The following CDKAL1 variants were observed in gnomAD, a reference collection of about 807,000 sequenced individuals.
CDKAL1 encodes the protein CDKAL1 threonylcarbamoyladenosine tRNA methylthiotransferase.
CDKAL1 carries 32 observed loss-of-function variants against 68.2 expected under a neutral mutation model. The ratio of observed to expected loss-of-function variants is 0.47; its 90% CI spans 0.35 to 0.63. The LOEUF (loss-of-function observed/expected upper bound fraction) is 0.63, where lower values mean the gene tolerates loss of function less well. Among genes scored for constraint, CDKAL1 ranks in the 30% least tolerant of loss-of-function variants. The pLI is 0.00. For missense variants in CDKAL1, 606 were observed against 696.7 expected (o/e 0.87, Z 1.47); for synonymous variants, 234 against 244.3 (o/e 0.96, Z 0.39).
chr6:21,033,297 G>A (rs1769395920), intron 11 of CDKAL1, among the ~76,000 whole-genome samples: 1 of 152,182 alleles, frequency 6.6e-6, no homozygotes, highest in African/African-American at 2.4e-5. Context: ...ACTGGCAATG[G>A]AAATAAAGAG....
At chr6:20,597,023 G>A (rs770179199) in intron 4 of CDKAL1, among the ~76,000 whole-genome samples, 1 of 152,198 alleles carries the variant, frequency 6.6e-6, no homozygotes, top group African/African-American at 2.4e-5. Context: ...AGTTGGAAAC[G>A]CAGAAATCAC....
chr6:20,557,554 CATATGTATAT>C (rs1273442241), intron 4 of CDKAL1, among the ~76,000 whole-genome samples: 1 of 151,946 alleles, frequency 6.6e-6, no homozygotes. Context: ...TATATGTATA[CATATGTATAT>C]ATATGTGAAT....
intron 8 of CDKAL1, among the ~76,000 whole-genome samples, chr6:20,844,779 T>C (rs140218335): frequency 3.8e-4 from 58 of 152,186 alleles, no homozygotes; most frequent in African/African-American, 1.3e-3. Flanking sequence ...AAAATTGAGT[T>C]ACTCTACCAA....
At chr6:20,782,810 T>G (rs1290326546) in intron 8 of CDKAL1, among the ~76,000 whole-genome samples, 1 of 152,256 alleles carries the variant, frequency 6.6e-6, no homozygotes, top group African/African-American at 2.4e-5. Flanking sequence ...GAATAAGTTT[T>G]AAAATTTGAC....
chr6:20,639,338 A>G (rs192945067), intron 4 of CDKAL1, among the ~76,000 whole-genome samples: 2 of 152,240 alleles, frequency 1.3e-5, no homozygotes, highest in East Asian at 3.9e-4. Flanking sequence ...CTTTAGTCAG[A>G]GACTCACTCT....
intron 13 of CDKAL1, 49 bp downstream of exon 13, chr6:21,108,512 T>G: frequency 8.3e-7 from 1 of 1,197,696 alleles, no homozygotes; most frequent in South Asian, 1.4e-5. Flanking sequence ...TCTTTCCGAA[T>G]GTATAGTACA....
intron 7 of CDKAL1, among the ~76,000 whole-genome samples, chr6:20,761,448 C>T (rs9465884): frequency 0.44 from 66,993 of 152,014 alleles, 14,983 homozygotes; most frequent in South Asian, 0.5. Flanking sequence ...TGAAAACTTA[C>T]GTCTATACAA....
chr6:21,118,628 ACT>A (rs1375821653), intron 13 of CDKAL1, among the ~76,000 whole-genome samples: 1 of 152,190 alleles, frequency 6.6e-6, no homozygotes, highest in Non-Finnish European at 1.5e-5. Flanking sequence ...ATACGTTAAC[ACT>A]CTTGAAATTG....
At chr6:20,713,372 G>A (rs905456141) in intron 5 of CDKAL1, among the ~76,000 whole-genome samples, 1 of 151,894 alleles carries the variant, frequency 6.6e-6, no homozygotes. Context: ...AATAATACTC[G>A]TATCTTAATT....
At chr6:20,740,225 G>T (rs1773388235) in intron 6 of CDKAL1, among the ~76,000 whole-genome samples, 1 of 152,008 alleles carries the variant, frequency 6.6e-6, no homozygotes, top group South Asian at 2.1e-4. Flanking sequence ...TGTTTCTCTA[G>T]CCTTTCCTGT....
rs1240937312 is a variant in CDKAL1, at chr6:21,231,707, G to C, written c.*668G>C. 6.6e-6 allele frequency: 1 copy of C among 152,254 alleles called. No homozygotes were observed. Among genetic ancestry groups the C allele is most frequent in the Admixed American group, 6.5e-5 (1 of 15,278 alleles). The allele number at this position is 152,254 out of a possible 1,614,324, so 9.4% of individuals were successfully genotyped here. On this transcript the variant is annotated 3_prime_UTR_variant, in exon 16 of 16. Transcript: ENST00000274695. Reference sequence around the variant, plus strand: ...GCCTCCCAAAGTGCTAGGATTACAGGCGTGAGCCACTGCGCCCGGCCTCTT... The same window carrying C: ...GCCTCCCAAAGTGCTAGGATTACAGCCGTGAGCCACTGCGCCCGGCCTCTT...
intron 7 of CDKAL1, among the ~76,000 whole-genome samples, chr6:20,763,196 C>T (rs1774544803): frequency 6.6e-6 from 1 of 152,064 alleles, no homozygotes; most frequent in African/African-American, 2.4e-5. Context: ...CTAAGAGTAT[C>T]CATTCCCGTC....
At chr6:20,568,817 C>T (rs76114896) in intron 4 of CDKAL1, among the ~76,000 whole-genome samples, 4,410 of 152,082 alleles carry the variant, frequency 0.029, 185 homozygotes, top group African/African-American at 0.097. Context: ...AACTTCACTC[C>T]TCCCTATGCT....
At chr6:20,786,322 A>G (rs1387115824) in intron 8 of CDKAL1, among the ~76,000 whole-genome samples, 1 of 152,182 alleles carries the variant, frequency 6.6e-6, no homozygotes, top group East Asian at 1.9e-4. Context: ...GGATGGGCAC[A>G]GCAGGATACG....
chr6:21,136,817 A>G (rs1775626596), intron 13 of CDKAL1, among the ~76,000 whole-genome samples: 1 of 152,216 alleles, frequency 6.6e-6, no homozygotes, highest in Non-Finnish European at 1.5e-5. Flanking sequence ...ACCCATCCAA[A>G]TAACTTGTCC....
intron 10 of CDKAL1, among the ~76,000 whole-genome samples, chr6:20,962,653 G>T: frequency 6.6e-6 from 1 of 152,238 alleles, no homozygotes; most frequent in East Asian, 1.9e-4. Context: ...AGTTCAAGCT[G>T]TGTCTTTAAA....
In CDKAL1 at chr6:20,693,285, G is replaced by T. The variant is rs147119046; in HGVS notation, c.371+43908G>T. Among the ~76,000 whole-genome samples the T allele has an allele frequency of 1.3e-3, 202 of 152,138 alleles. 1 individual carries two copies. Among genetic ancestry groups the T allele is most frequent in the African/African-American group, 4.5e-3 (188 of 41,514 alleles). ...TTTGTTTCCTTTTCAAATATTTAAT[G>T]TGTAGAAATTTTTATTGCCCTTTCT... On this transcript the variant is annotated intron_variant, in intron 5 of 15. Transcript: ENST00000274695.
intron 5 of CDKAL1, among the ~76,000 whole-genome samples, chr6:20,660,566 T>C (rs1769240667): frequency 6.6e-6 from 1 of 152,228 alleles, no homozygotes. Flanking sequence ...CACCTGGTCA[T>C]GCTGGCAGGA....
chr6:20,938,933 C>T (rs185226060), intron 9 of CDKAL1, among the ~76,000 whole-genome samples: 78 of 152,242 alleles, frequency 5.1e-4, no homozygotes, highest in African/African-American at 1.8e-3. Flanking sequence ...CCTGTAGGCT[C>T]CTTCTTCCTT....
Sources: allele counts gnomAD v4.1 joint callset (sites outside exome capture counted in the v4.1 genomes callset), GRCh38; gene constraint gnomAD v4.1.1; transcripts MANE v1.5; gene names NCBI Gene and HGNC (gene_info 2026-07-23, HGNC 2026-07-21).